The following PNLIPRP3 variants were observed in gnomAD, a reference collection of about 807,000 sequenced individuals.
PNLIPRP3 encodes pancreatic lipase-related protein 3.
Under a neutral mutation model 52.8 loss-of-function variants are expected in PNLIPRP3, and 58 were observed. The ratio of observed to expected loss-of-function variants is 1.10; its 90% CI spans 0.89 to 1.37. The LOEUF (loss-of-function observed/expected upper bound fraction) is 1.37. PNLIPRP3 is among the 40% of genes most tolerant of loss of function. The probability of loss-of-function intolerance (pLI) is 0.00; values close to 1 mark genes in which losing one functional copy is unlikely to be tolerated. For missense variants in PNLIPRP3, 593 were observed against 561.6 expected, an observed-to-expected ratio of 1.06 and a Z score of -0.57; for synonymous variants, 192 against 185.0, an observed-to-expected ratio of 1.04 and a Z score of -0.31.
At position 116,465,457 on chromosome 10, in the gene PNLIPRP3, C is replaced by T. The variant is rs1354430023; in HGVS notation, c.809-593C>T. On this transcript the variant is annotated intron_variant, in intron 7 of 11. Transcript: ENST00000369230. ...GGCTGAGGCAGGAGAATGGCGTGAA[C>T]CCCGGAGGTGGAGCTTGCAGTGAGC... is the stretch of plus-strand genomic sequence containing the variant. Among the ~76,000 whole-genome samples the T allele has an allele frequency of 3.9e-5, 6 of 152,058 alleles. 1 individual carries two copies. The East Asian group carries it at 9.7e-4, about 25-fold the overall frequency.
chr10:116,446,556 T>G (rs913426315), intron 4 of PNLIPRP3, among the ~76,000 whole-genome samples: 1 of 152,146 alleles, frequency 6.6e-6, no homozygotes, highest in South Asian at 2.1e-4. Context: ...ATCAATTGCT[T>G]GATTTTCATG....
In PNLIPRP3 at chr10:116,466,082, C is replaced by G; in HGVS notation, c.841C>G (p.Arg281Gly). ...MASFFDCNHA[R>G]SYQFYAESIL... ...TTCCTTCTTTGACTGTAACCATGCC[C>G]GAAGTTATCAATTTTATGCTGAAAG... Residue 281 changes from arginine (R) to glycine (G), a missense_variant, in exon 8 of 12, where the codon CGA (arginine) becomes GGA (glycine). Arg to Gly is a moderately radical substitution (Grantham distance 125). Coordinates refer to ENST00000369230, the MANE Select transcript of PNLIPRP3 (RefSeq NM_001011709.3). 3.1e-6 allele frequency: 5 copies of G among 1,613,656 alleles called. No homozygotes were observed. The highest frequency in any genetic ancestry group is 2.2e-5 in the South Asian group (2 of 91,060).
chr10:116,466,252 T>A, intron 8 of PNLIPRP3, 84 bp downstream of exon 8: 1 of 1,005,788 alleles, frequency 9.9e-7, no homozygotes, highest in Admixed American at 2.6e-5. Context: ...GGGCTTTGTG[T>A]AGGTAGCAAA....
intron 10 of PNLIPRP3, 38 bp downstream of exon 10, chr10:116,471,917 G>T: frequency 1.5e-6 from 2 of 1,328,952 alleles, no homozygotes; most frequent in Non-Finnish European, 2.1e-6. Flanking sequence ...GCACAGTGCT[G>T]GGGGCTCAGT....
chr10:116,452,855 C>G (rs1232883493), intron 4 of PNLIPRP3, among the ~76,000 whole-genome samples: 4 of 152,238 alleles, frequency 2.6e-5, no homozygotes. Context: ...GGCAGAGCCC[C>G]CACAGAGAAA....
At chr10:116,443,370 G>A (rs1298708016) in intron 3 of PNLIPRP3, among the ~76,000 whole-genome samples, 196 bp downstream of exon 3, 3 of 151,960 alleles carry the variant, frequency 2.0e-5, no homozygotes, top group Non-Finnish European at 2.9e-5. Context: ...TACAAGGGAA[G>A]CAAATTTGTA....
At chr10:116,469,970 C>CAAAAAAAAAA (rs34958696) in intron 9 of PNLIPRP3, among the ~76,000 whole-genome samples, 2 of 131,516 alleles carry the variant, frequency 1.5e-5, no homozygotes, top group African/African-American at 2.8e-5. Context: ...ACAATTCAGG[C>CAAAAAAAAAA]AAAAAAAAAA....
At chr10:116,463,326 G>A (rs996373129) in intron 7 of PNLIPRP3, among the ~76,000 whole-genome samples, 3 of 152,120 alleles carry the variant, frequency 2.0e-5, no homozygotes, top group Non-Finnish European at 4.4e-5. Flanking sequence ...TCCAGTTGGG[G>A]GCTGAGCTGG....
chr10:116,472,345 T>G (rs1301194696), intron 10 of PNLIPRP3, among the ~76,000 whole-genome samples: 1 of 152,218 alleles, frequency 6.6e-6, no homozygotes. Context: ...CCAGTTCAGA[T>G]GTTCATTTTG....
intron 4 of PNLIPRP3, among the ~76,000 whole-genome samples, chr10:116,445,698 A>G (rs145835717): frequency 5.8e-4 from 89 of 152,322 alleles, no homozygotes; most frequent in African/African-American, 2.1e-3. Context: ...AACTGAAGGG[A>G]AAAATGTTTG....
chr10:116,444,587 T>G, intron 4 of PNLIPRP3, 74 bp downstream of exon 4: 1 of 1,426,296 alleles, frequency 7.0e-7, no homozygotes, highest in East Asian at 2.3e-5. Context: ...TGGGACAATT[T>G]AATGTCTTTT....
intron 9 of PNLIPRP3, 108 bp from the exon 10 acceptor site, chr10:116,471,660 C>A: frequency 2.3e-6 from 2 of 885,232 alleles, no homozygotes; most frequent in East Asian, 2.4e-5. Context: ...CAGCACTGTT[C>A]AAATACAACC....
In PNLIPRP3 at chr10:116,456,840, T is replaced by C. The variant is rs113984841; in HGVS notation, c.565+1010T>C. ...TCATCTGCCTTTTCCCTGTCCATCC[T>C]CTGGTCATTGTCCTGGCTCAGTCCC... On this transcript the variant is annotated intron_variant, in intron 5 of 11. Transcript: ENST00000369230. 2.8e-3 allele frequency among the ~76,000 whole-genome samples: 427 copies of C among 152,284 alleles called. 4 individuals carry two copies. The highest frequency in any genetic ancestry group is 9.9e-3 in the African/African-American group (411 of 41,550).
chr10:116,452,598 T>C (rs1369905768), intron 4 of PNLIPRP3, among the ~76,000 whole-genome samples: 1 of 152,186 alleles, frequency 6.6e-6, no homozygotes, highest in African/African-American at 2.4e-5. Context: ...GCCACTGCCC[T>C]GCTCAGCCTT....
At chr10:116,434,836 C>T (rs1564692017) in intron 1 of PNLIPRP3, among the ~76,000 whole-genome samples, 3 of 152,112 alleles carry the variant, frequency 2.0e-5, no homozygotes, top group Non-Finnish European at 4.4e-5. Context: ...GAATGGATTC[C>T]AGGCAGGAGA....
intron 1 of PNLIPRP3, among the ~76,000 whole-genome samples, chr10:116,428,439 T>A (rs1036433466): frequency 6.6e-6 from 1 of 152,156 alleles, no homozygotes; most frequent in Non-Finnish European, 1.5e-5. Flanking sequence ...CTAAGAAGGG[T>A]ACATAGTAAT....
intron 1 of PNLIPRP3, among the ~76,000 whole-genome samples, chr10:116,431,160 C>T (rs1845704574): frequency 6.6e-6 from 1 of 152,182 alleles, no homozygotes; most frequent in South Asian, 2.1e-4. Flanking sequence ...CTTGTAACCA[C>T]ACCACTGCTA....
chr10:116,442,654 A>G (rs1263138802), intron 2 of PNLIPRP3, among the ~76,000 whole-genome samples: 1 of 152,162 alleles, frequency 6.6e-6, no homozygotes, highest in Non-Finnish European at 1.5e-5. Flanking sequence ...ACTTGAGGCC[A>G]GGAGTTCAAG....
In PNLIPRP3 at chr10:116,476,837, C is replaced by T. The variant is rs529660788; in HGVS notation, c.1340+18C>T. On this transcript the variant is annotated intron_variant, in intron 11 of 11. Transcript: ENST00000369230. ...GGATATAAGTAAGTATTGCTTTTTC[C>T]TTTTCATTTTCGTAGTTTACATTTT... 10 of 1,554,454 alleles carry T rather than the reference C, an allele frequency of 6.4e-6. No homozygotes were observed. Among genetic ancestry groups the T allele is most frequent in the African/African-American group, 2.8e-5 (2 of 72,348 alleles).
Sources: allele counts gnomAD v4.1 joint callset (sites outside exome capture counted in the v4.1 genomes callset), GRCh38; gene constraint gnomAD v4.1.1; transcripts MANE v1.5; gene names NCBI Gene and HGNC (gene_info 2026-07-23, HGNC 2026-07-21).